The following MYO10 variants were observed in gnomAD, a reference collection of about 807,000 sequenced individuals.
MYO10 encodes myosin X.
In MYO10, 133 loss-of-function variants were observed where a neutral mutation model predicts 257.3. That is an observed-to-expected ratio of 0.52 (90% CI 0.45 to 0.60). MYO10 has a LOEUF of 0.60. Among genes scored for constraint, MYO10 ranks in the 20% least tolerant of loss-of-function variants. The pLI, the probability that MYO10 is intolerant of heterozygous loss-of-function variation, is 0.00. For missense variants in MYO10, 2,399 were observed against 2,635.7 expected (o/e 0.91, Z 1.97); for synonymous variants, 1,104 against 1,028.6 (o/e 1.07, Z -1.40).
At chr5:16,865,410 C>T (rs1744215531) in intron 2 of MYO10, among the ~76,000 whole-genome samples, 1 of 152,142 alleles carries the variant, frequency 6.6e-6, no homozygotes, top group South Asian at 2.1e-4. Context: ...GAATCTGGGG[C>T]TGAGTCTCAA....
intron 2 of MYO10, among the ~76,000 whole-genome samples, chr5:16,869,540 G>C (rs1370087521): frequency 6.6e-6 from 1 of 151,970 alleles, no homozygotes; most frequent in Non-Finnish European, 1.5e-5. Flanking sequence ...CTGCACCCCA[G>C]CCTAGATGAC....
chr5:16,716,504 TAAG>T (rs1207490231), intron 19 of MYO10, among the ~76,000 whole-genome samples: 1 of 100,120 alleles, frequency 1.0e-5, no homozygotes, highest in South Asian at 3.3e-4. Context: ...TGCATGACAA[TAAG>T]AAGTATGACA....
chr5:16,902,813 G>GT (rs1236079049), intron 1 of MYO10, among the ~76,000 whole-genome samples: 1 of 152,198 alleles, frequency 6.6e-6, no homozygotes, highest in Non-Finnish European at 1.5e-5. Flanking sequence ...CATCTTTTAA[G>GT]TAAATTCATT....
At chr5:16,849,731 C>A (rs144530035) in intron 2 of MYO10, among the ~76,000 whole-genome samples, 99 of 152,260 alleles carry the variant, frequency 6.5e-4, no homozygotes, top group African/African-American at 2.3e-3. Context: ...TACTTGTTCG[C>A]AAAATACTTG....
Position 16,768,648 on chromosome 5 carries a change from G to A in MYO10, c.1060+426C>T, listed in dbSNP as rs1740949990. 1.5e-5 allele frequency among the ~76,000 whole-genome samples: 2 copies of A among 135,708 alleles called. 1 individual carries two copies. Among genetic ancestry groups the A allele is most frequent in the South Asian group, 5.1e-4 (2 of 3,932 alleles). 89.0% of individuals were successfully genotyped at this position (135,708 alleles called of 152,430 possible). A position where few individuals can be genotyped will look rare whatever the true frequency, so the allele number is the denominator to read the frequency against. On this transcript the variant is annotated intron_variant, in intron 10 of 40. Transcript: ENST00000513610. The stretch of plus-strand genomic sequence containing the variant: ...CTGTAGCTCTCTATTCAAGGAGTCA[G>A]AACATTTTCTCTTTTCTTTTTTTTT...
In MYO10 at chr5:16,763,791, G is replaced by T. The variant is rs746497816; in HGVS notation, c.1327-36C>A. The T allele has an allele frequency of 2.2e-5, 27 of 1,224,076 alleles. No individual in the cohort carries two copies. In the South Asian group the frequency reaches 3.3e-4, roughly 15 times the overall value. 75.8% of individuals were successfully genotyped at this position (1,224,076 alleles called of 1,614,324 possible). A position where few individuals can be genotyped will look rare whatever the true frequency, so the allele number is the denominator to read the frequency against. On this transcript the variant is annotated intron_variant, in intron 12 of 40. Coordinates refer to ENST00000513610, the MANE Select transcript of MYO10 (RefSeq NM_012334.3). The stretch of plus-strand genomic sequence containing the variant: ...AAAGCATTCAATAAGTATCTTTAGT[G>T]TACTCACGATTATATAGAAAGGTGA...
intron 9 of MYO10, among the ~76,000 whole-genome samples, chr5:16,772,990 A>T (rs1156279462): frequency 6.6e-6 from 1 of 152,218 alleles, no homozygotes; most frequent in Non-Finnish European, 1.5e-5. Flanking sequence ...TCTTGATCAC[A>T]GTTGTGGATA....
chr5:16,868,792 A>C (rs930322374), intron 2 of MYO10, among the ~76,000 whole-genome samples: 4 of 152,154 alleles, frequency 2.6e-5, no homozygotes, highest in African/African-American at 9.7e-5. Context: ...TTCCATCTGT[A>C]AATACTTCAC....
intron 1 of MYO10, chr5:16,916,535 G>A (rs193214574): frequency 6.2e-6 from 1 of 162,132 alleles, no homozygotes; most frequent in East Asian, 1.7e-4. Flanking sequence ...ATTAAATCCA[G>A]GAAGTTTAAG....
chr5:16,794,699 G>T lies in MYO10; in HGVS notation c.414C>A (p.Asn138Lys). 2.5e-6 allele frequency: 4 copies of T among 1,613,554 alleles called. No individual in the cohort carries two copies. Among genetic ancestry groups the T allele is most frequent in the Non-Finnish European group, 3.4e-6 (4 of 1,179,716 alleles). ...ELPPHIFAIA[N>K]ECYRCLWKRH... ...GCTTCCACAGGCAGCGGTAGCACTCGTTGGCGATGGCGAAGATGTGCGGGG... is the reference window on the plus strand; with the variant it reads ...GCTTCCACAGGCAGCGGTAGCACTCTTTGGCGATGGCGAAGATGTGCGGGG... Residue 138 changes from asparagine to lysine, a missense_variant, in exon 4 of 41, where the codon AAC becomes AAA. Around this residue, in one of 3 missense-constraint regions of MYO10, gnomAD observed 242 missense variants for 249.5 expected, o/e 0.97. Transcript: ENST00000513610.
Position 16,683,883 on chromosome 5 carries a change from T to C in MYO10, c.4043A>G (p.Asp1348Gly). The stretch of plus-strand genomic sequence containing the variant: ...TAAGAGCCACATCTGAGCTTACCTA[T>C]CAGGGCTGTCAGAGGCACACACAGA... ...IDSVCASDSP[D>G]RPNSFVIITA... Residue 1348 changes from aspartate to glycine, a missense_variant, in exon 30 of 41, where the codon GAT becomes GGT. Asp to Gly is a moderately conservative substitution (Grantham distance 94). Coordinates refer to ENST00000513610, the MANE Select transcript of MYO10 (RefSeq NM_012334.3). 7.4e-6 allele frequency: 12 copies of C among 1,613,670 alleles called. No homozygotes were observed. The highest frequency in any genetic ancestry group is 9.3e-6 in the Non-Finnish European group (11 of 1,179,812).
chr5:16,895,764 A>ACACACG (rs1432325720), intron 1 of MYO10, among the ~76,000 whole-genome samples: 5 of 68,516 alleles, frequency 7.3e-5, no homozygotes, highest in Admixed American at 2.1e-4. Context: ...ACACACACAC[A>ACACACG]CACACACACA....
chr5:16,694,660 T>C, intron 26 of MYO10, 46 bp from the exon 27 acceptor site: 1 of 1,604,862 alleles, frequency 6.2e-7, no homozygotes, highest in Non-Finnish European at 8.5e-7. Flanking sequence ...GAAAAGTCAG[T>C]CAAGTTGGAT....
chr5:16,690,056 T>C (rs1290357703), intron 27 of MYO10, 137 bp from the exon 28 acceptor site: 6 of 653,092 alleles, frequency 9.2e-6, no homozygotes, highest in African/African-American at 7.2e-5. Flanking sequence ...TGGCTCTCCA[T>C]ATCTGCGAGT....
At chr5:16,697,717 A>ATGGTGG (rs60501561) in intron 26 of MYO10, among the ~76,000 whole-genome samples, 57,643 of 149,038 alleles carry the variant, frequency 0.39, 12,246 homozygotes, top group African/African-American at 0.57. Flanking sequence ...AAAGGTTTTC[A>ATGGTGG]TGGTGGTGAA....
chr5:16,807,709 C>A (rs1427400495), intron 3 of MYO10, among the ~76,000 whole-genome samples: 1 of 152,078 alleles, frequency 6.6e-6, no homozygotes, highest in African/African-American at 2.4e-5. Flanking sequence ...TGATCTGCTG[C>A]CAGGACAGCT....
chr5:16,828,641 A>G (rs1337392082), intron 2 of MYO10, among the ~76,000 whole-genome samples: 1 of 151,198 alleles, frequency 6.6e-6, no homozygotes, highest in African/African-American at 2.4e-5. Context: ...AAAAAAAAGC[A>G]AAGAATCCCA....
chr5:16,907,971 G>A (rs112207244), intron 1 of MYO10, among the ~76,000 whole-genome samples: 18,324 of 152,190 alleles, frequency 0.12, 1,174 homozygotes, highest in East Asian at 0.23. Context: ...GGTGGCTCAC[G>A]CCTGTAATCC....
intron 2 of MYO10, among the ~76,000 whole-genome samples, chr5:16,842,106 AAAG>A (rs1743500133): frequency 6.6e-6 from 1 of 152,172 alleles, no homozygotes; most frequent in Admixed American, 6.5e-5. Flanking sequence ...AAAACTTTAA[AAAG>A]AAGCATCTTA....
Sources: allele counts gnomAD v4.1 joint callset (sites outside exome capture counted in the v4.1 genomes callset), GRCh38; gene constraint gnomAD v4.1.1; regional missense constraint gnomAD v4.1.1; transcripts MANE v1.5; gene names NCBI Gene and HGNC (gene_info 2026-07-23, HGNC 2026-07-21).